Variants in CFAP47 observed in about 807,000 individuals in gnomAD.
The protein encoded by CFAP47 is cilia- and flagella-associated protein 47.
A neutral mutation model predicts 148.1 loss-of-function variants in CFAP47; 29 were observed. The ratio of observed to expected loss-of-function variants is 0.20; its 90% CI spans 0.15 to 0.27. The LOEUF (loss-of-function observed/expected upper bound fraction) is 0.27, where lower values mean the gene tolerates loss of function less well. CFAP47 is among the 10% of genes least tolerant of loss of function. CFAP47 has a pLI of 1.00. For missense variants in CFAP47, 1,872 were observed against 1,697.5 expected, an observed-to-expected ratio of 1.10 and a Z score of -1.81; for synonymous variants, 664 against 577.3, an observed-to-expected ratio of 1.15 and a Z score of -2.15.
intron 48 of CFAP47, among the ~76,000 whole-genome samples, chrX:36,240,127 C>T (rs1012902324): frequency 3.3e-4 from 37 of 111,470 alleles, no homozygotes; most frequent in Non-Finnish European, 6.0e-4. Flanking sequence ...GAAAACAAAC[C>T]ATTAGGAGGG....
chrX:36,273,144 T>C (rs1472526277), intron 49 of CFAP47, among the ~76,000 whole-genome samples: 2 of 111,589 alleles, frequency 1.8e-5, no homozygotes, highest in East Asian at 5.6e-4. Flanking sequence ...TCAATAAATA[T>C]TTTAAAAATT....
At chrX:36,231,973 A>G (rs1295319673) in intron 46 of CFAP47, among the ~76,000 whole-genome samples, 2 of 111,417 alleles carry the variant, frequency 1.8e-5, no homozygotes, top group African/African-American at 6.5e-5. Context: ...CCACTTGATC[A>G]TGGTGGATAG....
At chrX:36,086,411 A>T (rs771894512) in intron 30 of CFAP47, among the ~76,000 whole-genome samples, 32 of 111,552 alleles carry the variant, frequency 2.9e-4, no homozygotes, top group Non-Finnish European at 9.4e-5. Context: ...ATAATTGTTT[A>T]TGTAATATGG....
rs181648766 is a variant in CFAP47 at position 36,310,314 on chromosome X, G to A, written c.8188-519G>A. Among the ~76,000 whole-genome samples, 289 of 110,941 alleles carry A rather than the reference G, an allele frequency of 2.6e-3. 1 individual carries two copies. Among genetic ancestry groups the A allele is most frequent in the Non-Finnish European group, 4.5e-3 (237 of 52,485 alleles). ...TTTGATTCATTTATCCATATCATGT[G>A]ATAACAGATAATGCACTGGACTCGA... On this transcript the variant is annotated intron_variant, in intron 55 of 63. Transcript: ENST00000378653.
chrX:36,152,611 G>A (rs148705464), intron 37 of CFAP47, among the ~76,000 whole-genome samples: 30 of 111,442 alleles, frequency 2.7e-4, no homozygotes, highest in Non-Finnish European at 5.1e-4. Context: ...GATAAGCCCT[G>A]CCCTTCCTTG....
chrX:36,265,496 G>GTT lies in CFAP47; in HGVS notation c.7444+14052_7444+14053insTT, dbSNP rs200578725. Among the ~76,000 whole-genome samples, 138 of 111,797 alleles carry GTT rather than the reference G, an allele frequency of 1.2e-3. 1 individual carries two copies. The East Asian group carries it at 0.016, about 13-fold the overall frequency. On this transcript the variant is annotated intron_variant, in intron 49 of 63. Transcript: ENST00000378653. The stretch of plus-strand genomic sequence containing the variant: ...TTGTCTTGTTTCAATTCTCAAGGTG[G>GTT]ATATTTCCAGCTCTTGCCCATTCAG...
At chrX:36,307,594 C>T (rs1434208667) in intron 55 of CFAP47, among the ~76,000 whole-genome samples, 1 of 110,532 alleles carries the variant, frequency 9.0e-6, no homozygotes, top group Admixed American at 9.7e-5. Flanking sequence ...AAAATTTTAC[C>T]ATTTATATTA....
chrX:36,078,596 G>T (rs1162533821), intron 29 of CFAP47, among the ~76,000 whole-genome samples: 1 of 110,531 alleles, frequency 9.0e-6, no homozygotes, highest in African/African-American at 3.3e-5. Context: ...GCCTATGTGG[G>T]TCTCTGCACA....
rs1569254124 is a variant in CFAP47, at chrX:36,085,514, A to G, written c.4892A>G (p.His1631Arg). 1 of 1,193,692 alleles carries G rather than the reference A, an allele frequency of 8.4e-7. No homozygotes were observed. Among genetic ancestry groups the G allele is most frequent in the Admixed American group, 2.2e-5 (1 of 45,704 alleles). The change falls in exon 30 of 64, where the codon CAT becomes CGT. Residue 1631 changes from histidine to arginine, a missense_variant. Coordinates refer to ENST00000378653, the MANE Select transcript of CFAP47 (RefSeq NM_001304548.2). ...AGGGTAATTCAACTCCATTTGCAACATTCCTCACTTCTGGACTTTCTCAAG... is the reference window on the plus strand; with the variant it reads ...AGGGTAATTCAACTCCATTTGCAACGTTCCTCACTTCTGGACTTTCTCAAG... Reference protein sequence around the residue: ...EKRVIQLHLQHSSLLDFLNAQ... With the variant: ...EKRVIQLHLQRSSLLDFLNAQ...
In CFAP47 at chrX:36,251,381, T is replaced by C; in HGVS notation, c.7381T>C (p.Tyr2461His). 6 of 509,597 alleles carry C rather than the reference T, an allele frequency of 1.2e-5. No individual in the cohort carries two copies. Among genetic ancestry groups the C allele is most frequent in the Non-Finnish European group, 1.8e-5 (5 of 283,833 alleles). 42.0% of individuals were successfully genotyped at this position (509,597 alleles called of 1,213,427 possible). Residue 2461 changes from tyrosine (Y) to histidine (H), a missense_variant, in exon 49 of 64, where the codon TAC becomes CAC. Coordinates refer to ENST00000378653, the MANE Select transcript of CFAP47 (RefSeq NM_001304548.2). ...IVWGNPQITV[Y>H]PYKEILYLIH... The stretch of plus-strand genomic sequence containing the variant: ...GTGGGGAAATCCACAAATTACAGTA[T>C]ACCCTTATAAAGAAATTCTGTACCT...
intron 33 of CFAP47, among the ~76,000 whole-genome samples, chrX:36,113,114 T>A (rs982665698): frequency 4.5e-5 from 5 of 112,049 alleles, no homozygotes; most frequent in African/African-American, 1.6e-4. Flanking sequence ...TTGATATGTG[T>A]GGCTTTGATC....
intron 33 of CFAP47, among the ~76,000 whole-genome samples, chrX:36,136,403 G>A (rs1569269787): frequency 9.0e-6 from 1 of 110,583 alleles, no homozygotes; most frequent in Non-Finnish European, 1.9e-5. Context: ...CTAACTGACT[G>A]ATTCTCTATC....
At chrX:36,027,989 C>G (rs185729545) in intron 22 of CFAP47, among the ~76,000 whole-genome samples, 1 of 111,448 alleles carries the variant, frequency 9.0e-6, no homozygotes, top group Non-Finnish European at 1.9e-5. Context: ...CCTTTGCCCA[C>G]TTTTTAATGG....
chrX:35,993,079 C>CTG (rs1215423714), intron 17 of CFAP47, 111 bp from the exon 18 acceptor site: 8 of 266,150 alleles, frequency 3.0e-5, no homozygotes, highest in East Asian at 2.1e-4. Context: ...ATTTTATGTC[C>CTG]TGTGCCTGGA....
chrX:36,063,819 C>G (rs933939305), intron 26 of CFAP47, among the ~76,000 whole-genome samples: 1 of 111,805 alleles, frequency 8.9e-6, no homozygotes, highest in South Asian at 3.7e-4. Flanking sequence ...ATTGATCACT[C>G]CAAATAAATG....
Position 36,291,554 on chromosome X carries a change from C to T in CFAP47, c.7686+5828C>T, listed in dbSNP as rs141773844. Among the ~76,000 whole-genome samples the T allele has an allele frequency of 9.3e-3, 1,016 of 109,674 alleles. 11 individuals carry two copies. The highest frequency in any genetic ancestry group is 0.032 in the African/African-American group (953 of 30,091). ...AACTATTCATGCCTCTGCCTTCTTCCGTAAATGCAGATGAAGAAGAATTGA... is the reference window on the plus strand; with the variant it reads ...AACTATTCATGCCTCTGCCTTCTTCTGTAAATGCAGATGAAGAAGAATTGA... On this transcript the variant is annotated intron_variant, in intron 51 of 63. Coordinates refer to ENST00000378653, the MANE Select transcript of CFAP47 (RefSeq NM_001304548.2).
intron 49 of CFAP47, among the ~76,000 whole-genome samples, chrX:36,277,482 AAAG>A (rs1556002887): frequency 8.9e-6 from 1 of 112,268 alleles, no homozygotes. Context: ...GCATTTTTAA[AAAG>A]AAGTGGATTT....
At chrX:36,107,862 G>A (rs1398984630) in intron 33 of CFAP47, among the ~76,000 whole-genome samples, 4 of 109,584 alleles carry the variant, frequency 3.7e-5, no homozygotes, top group Non-Finnish European at 3.8e-5. Flanking sequence ...TTTTTCTTAC[G>A]TCTCTTTTCT....
At position 35,989,503 on chromosome X, in the gene CFAP47, G is replaced by T. The variant is rs747152579; in HGVS notation, c.2844+54G>T. The T allele has an allele frequency of 4.1e-6, 5 of 1,208,244 alleles. No homozygotes were observed. The African/African-American group carries it at 7.0e-5, about 17-fold the overall frequency. On this transcript the variant is annotated intron_variant, in intron 16 of 63. Coordinates refer to ENST00000378653, the MANE Select transcript of CFAP47 (RefSeq NM_001304548.2). The stretch of plus-strand genomic sequence containing the variant: ...GTTTTGAGGGCTATGAATTTGTTGG[G>T]TATACACTGGTGTATATAGTTACCT...
Sources: allele counts gnomAD v4.1 joint callset (sites outside exome capture counted in the v4.1 genomes callset), GRCh38; gene constraint gnomAD v4.1.1; transcripts MANE v1.5; gene names NCBI Gene and HGNC (gene_info 2026-07-23, HGNC 2026-07-21).